Variants in LRRC3B observed in about 807,000 individuals in gnomAD.
The protein encoded by LRRC3B is leucine-rich repeat-containing protein 3B.
Under a neutral mutation model 12.8 loss-of-function variants are expected in LRRC3B, and 2 were observed. The ratio of observed to expected loss-of-function variants is 0.16; its 90% CI spans 0.06 to 0.49. The LOEUF is 0.49. Among genes scored for constraint, LRRC3B ranks in the 20% least tolerant of loss-of-function variants. The pLI is 0.96. For synonymous variants in LRRC3B, 132 were observed against 122.0 expected (o/e 1.08, Z -0.54); for missense variants, 189 against 319.4 (o/e 0.59, Z 3.11).
intron 1 of LRRC3B, among the ~76,000 whole-genome samples, chr3:26,703,625 G>GA (rs1700512038): frequency 6.6e-6 from 1 of 151,656 alleles, no homozygotes; most frequent in Non-Finnish European, 1.5e-5. Context: ...TCAAAAATTA[G>GA]AAAAATTATC....
chr3:26,673,275 A>T, intron 1 of LRRC3B, among the ~76,000 whole-genome samples: 1 of 152,084 alleles, frequency 6.6e-6, no homozygotes, highest in East Asian at 1.9e-4. Flanking sequence ...TATTTCTCTT[A>T]TCTTAAGGTT....
intron 1 of LRRC3B, among the ~76,000 whole-genome samples, chr3:26,691,239 T>C (rs1305379396): frequency 6.6e-6 from 1 of 151,122 alleles, no homozygotes; most frequent in Non-Finnish European, 1.5e-5. Flanking sequence ...CTTAAGAGAA[T>C]GAAGAATCTA....
At chr3:26,679,959 A>G (rs1291185498) in intron 1 of LRRC3B, among the ~76,000 whole-genome samples, 4 of 152,216 alleles carry the variant, frequency 2.6e-5, no homozygotes, top group African/African-American at 9.6e-5. Context: ...TTCATTGGCC[A>G]CTACCCCATC....
intron 1 of LRRC3B, among the ~76,000 whole-genome samples, chr3:26,682,173 G>T (rs1157777685): frequency 6.6e-6 from 1 of 152,114 alleles, no homozygotes; most frequent in Admixed American, 6.6e-5. Flanking sequence ...GCAAAACCGC[G>T]AATAAGAGGG....
chr3:26,625,123 C>T (rs1698595700), intron 1 of LRRC3B: 1 of 152,282 alleles, frequency 6.6e-6, no homozygotes, highest in Non-Finnish European at 1.5e-5. Context: ...ACCTTTAGGT[C>T]CTCCCTGTTC....
chr3:26,666,415 TG>T (rs139714618), intron 1 of LRRC3B, among the ~76,000 whole-genome samples: 11,761 of 152,004 alleles, frequency 0.077, 1,233 homozygotes, highest in African/African-American at 0.23. Context: ...TGTTAAAGAT[TG>T]GGGGGATTTT....
rs1700073452 is a variant in LRRC3B, at chr3:26,685,666, C to G, written c.-160-23847C>G. On this transcript the variant is annotated intron_variant, in intron 1 of 1. Coordinates refer to ENST00000396641, the Ensembl canonical transcript of LRRC3B. ...ACCTCATTTTTAAAAACTACTATTA[C>G]TATTTTATGACTATACCTTAATTTA... is the stretch of plus-strand genomic sequence containing the variant. Among the ~76,000 whole-genome samples, 3 of 120,218 alleles carry G rather than the reference C, an allele frequency of 2.5e-5. 1 individual carries two copies. In the South Asian group the frequency reaches 8.3e-4, roughly 33 times the overall value. The allele number at this position is 120,218 out of a possible 152,430, so 78.9% of individuals were successfully genotyped here. A position where few individuals can be genotyped will look rare whatever the true frequency, so the allele number is the denominator to read the frequency against.
At chr3:26,671,348 G>GTATATATATATATATATATATATGTA (rs1559361621) in intron 1 of LRRC3B, among the ~76,000 whole-genome samples, 1 of 66,342 alleles carries the variant, frequency 1.5e-5, no homozygotes, top group African/African-American at 6.2e-5. Context: ...GTATATATGT[G>GTATATATATATATATATATATATGTA]TGTATATATA....
intron 1 of LRRC3B, chr3:26,624,848 C>G (rs757316932): frequency 6.6e-6 from 1 of 152,258 alleles, no homozygotes; most frequent in Non-Finnish European, 1.5e-5. Flanking sequence ...CCCCAGCAAT[C>G]TGGAGTGCAA....
chr3:26,634,538 T>G (rs1698824758), intron 1 of LRRC3B, among the ~76,000 whole-genome samples: 1 of 152,200 alleles, frequency 6.6e-6, no homozygotes, highest in Non-Finnish European at 1.5e-5. Flanking sequence ...TGATTCTGCA[T>G]GGATTCAGGG....
exon 2 of LRRC3B, chr3:26,710,630 T>A: frequency 1.7e-6 from 1 of 605,618 alleles, no homozygotes; most frequent in South Asian, 3.3e-5. Context: ...TGAGTTTAGG[T>A]GATCCACCCC....
chr3:26,696,209 A>G (rs890470755), intron 1 of LRRC3B, among the ~76,000 whole-genome samples: 18 of 152,254 alleles, frequency 1.2e-4, no homozygotes, highest in Admixed American at 9.8e-4. Context: ...AAAGAAACAC[A>G]AAATTGTTAC....
chr3:26,662,830 T>C (rs1699521551), intron 1 of LRRC3B, among the ~76,000 whole-genome samples: 1 of 152,154 alleles, frequency 6.6e-6, no homozygotes, highest in Non-Finnish European at 1.5e-5. Context: ...ATAGACATTA[T>C]CATTATTTTT....
intron 1 of LRRC3B, among the ~76,000 whole-genome samples, chr3:26,632,501 A>G (rs1019080298): frequency 1.3e-5 from 2 of 152,150 alleles, no homozygotes; most frequent in Non-Finnish European, 2.9e-5. Context: ...CAGAAGCCAT[A>G]TCTGTATCTC....
At chr3:26,631,305 A>G (rs986781537) in intron 1 of LRRC3B, among the ~76,000 whole-genome samples, 1 of 152,178 alleles carries the variant, frequency 6.6e-6, no homozygotes, top group Non-Finnish European at 1.5e-5. Context: ...ATCAGACTAC[A>G]TTGCATTTCA....
intron 1 of LRRC3B, among the ~76,000 whole-genome samples, chr3:26,646,688 A>G (rs1308583590): frequency 6.6e-6 from 1 of 151,666 alleles, no homozygotes; most frequent in Admixed American, 6.6e-5. Context: ...AAATCACTCA[A>G]GAGATAGGCC....
chr3:26,691,750 A>T (rs1700198708), intron 1 of LRRC3B, among the ~76,000 whole-genome samples: 1 of 152,228 alleles, frequency 6.6e-6, no homozygotes, highest in Non-Finnish European at 1.5e-5. Flanking sequence ...GTCGTGGATA[A>T]TGGACAGTGG....
intron 1 of LRRC3B, among the ~76,000 whole-genome samples, chr3:26,699,532 A>T (rs559833148): frequency 1.3e-5 from 2 of 152,296 alleles, no homozygotes; most frequent in East Asian, 3.9e-4. Flanking sequence ...CAACCCAGTG[A>T]ATATTATTAC....
intron 1 of LRRC3B, among the ~76,000 whole-genome samples, chr3:26,641,549 A>G (rs1001835594): frequency 2.0e-5 from 3 of 152,164 alleles, no homozygotes; most frequent in African/African-American, 7.2e-5. Context: ...AGTCAACACA[A>G]TAGAAAACCA....
Sources: allele counts gnomAD v4.1 joint callset (sites outside exome capture counted in the v4.1 genomes callset), GRCh38; gene constraint gnomAD v4.1.1; transcripts MANE v1.5; gene names NCBI Gene and HGNC (gene_info 2026-07-23, HGNC 2026-07-21).